Variants in SP1 observed in about 807,000 individuals in gnomAD.
The protein encoded by SP1 is Sp1 transcription factor.
In SP1, 6 loss-of-function variants were observed where a neutral mutation model predicts 66.3. The ratio of observed to expected loss-of-function variants is 0.09; its 90% CI spans 0.05 to 0.18. The LOEUF (loss-of-function observed/expected upper bound fraction) is 0.18, where lower values mean the gene tolerates loss of function less well. Ranked by LOEUF, SP1 falls within the 10% of genes least tolerant of loss-of-function variation. SP1 has a pLI of 1.00. For missense variants in SP1, 848 were observed against 964.5 expected, an observed-to-expected ratio of 0.88 and a Z score of 1.60; for synonymous variants, 417 against 360.8, an observed-to-expected ratio of 1.16 and a Z score of -1.77.
At chr12:53,407,094 G>T (rs1477164095) in intron 4 of SP1, among the ~76,000 whole-genome samples, 1 of 151,722 alleles carries the variant, frequency 6.6e-6, no homozygotes, top group Non-Finnish European at 1.5e-5. Flanking sequence ...AAAGTGCTGG[G>T]ATTACCAGCG....
rs373114098 is a variant in SP1, at chr12:53,411,268, T to C, written c.*28T>C. On this transcript the variant is annotated 3_prime_UTR_variant, in exon 6 of 6. Transcript: ENST00000327443. ...TCAGGCACCCGGGGCCAGAGACATA[T>C]GGGCCATACCCCTTAACCCCGGGAT... is the stretch of plus-strand genomic sequence containing the variant. 1 of 1,581,734 alleles carries C rather than the reference T, an allele frequency of 6.3e-7. No individual in the cohort carries two copies. Among genetic ancestry groups the C allele is most frequent in the South Asian group, 1.1e-5 (1 of 87,248 alleles).
In SP1 at chr12:53,416,015, TC is replaced by T. The variant is rs1938989124; in HGVS notation, c.*4777del. 1 of 152,702 alleles carries T rather than the reference TC, an allele frequency of 6.5e-6. No homozygotes were observed. The highest frequency in any genetic ancestry group is 1.5e-5 in the Non-Finnish European group (1 of 68,118). The allele number at this position is 152,702 out of a possible 1,614,324, so 9.5% of individuals were successfully genotyped here. A position where few individuals can be genotyped will look rare whatever the true frequency, so the allele number is the denominator to read the frequency against. On this transcript the variant is annotated 3_prime_UTR_variant, in exon 6 of 6. Transcript: ENST00000327443. Reference sequence around the variant, plus strand: ...CTGCTTCCCCTTCCTAAGTCTGTCATCCTCTGGAAGGGATGGGTGGTGCTCC... The same window carrying T: ...CTGCTTCCCCTTCCTAAGTCTGTCATCTCTGGAAGGGATGGGTGGTGCTCC...
chr12:53,381,579 A>T (rs976142081), intron 1 of SP1, 80 bp from the exon 2 acceptor site: 26 of 1,330,534 alleles, frequency 2.0e-5, no homozygotes, highest in Non-Finnish European at 2.7e-5. Context: ...TTGCTATTTC[A>T]TCATAGCCTC....
Position 53,409,358 on chromosome 12 carries a change from T to G in SP1, c.1845-4T>G, listed in dbSNP as rs201327742. ...ATGATTAACAGTTGTGTCCTCACTT[T>G]CAGGGGCTCGGGGGATCCTGGCAAA... is the stretch of plus-strand genomic sequence containing the variant. On this transcript the variant is annotated splice_polypyrimidine_tract_variant and splice_region_variant and intron_variant, in intron 4 of 5. Coordinates refer to ENST00000327443, the MANE Select transcript of SP1 (RefSeq NM_138473.3). 2 of 1,612,836 alleles carry G rather than the reference T, an allele frequency of 1.2e-6. No individual in the cohort carries two copies. The highest frequency in any genetic ancestry group is 1.7e-6 in the Non-Finnish European group (2 of 1,179,450).
At chr12:53,407,320 AAAAAAAAAAAAT>A (rs1938764378) in intron 4 of SP1, among the ~76,000 whole-genome samples, 1 of 92,906 alleles carries the variant, frequency 1.1e-5, no homozygotes, top group South Asian at 3.9e-4. Context: ...GAGAAAATGA[AAAAAAAAAAAAT>A]TTTTTTTTTT....
Position 53,400,230 on chromosome 12 carries a change from C to T in SP1, c.1676-6355C>T, listed in dbSNP as rs142103086. Among the ~76,000 whole-genome samples the T allele has an allele frequency of 6.8e-3, 1,039 of 152,304 alleles. 10 individuals are homozygous for T. The highest frequency in any genetic ancestry group is 0.024 in the African/African-American group (992 of 41,556). ...GTACTTTTCACCTCTGTAGAATTGA[C>T]TATTCTAGATATTTCACATAAATAG... On this transcript the variant is annotated intron_variant, in intron 3 of 5. Transcript: ENST00000327443.
Position 53,385,653 on chromosome 12 carries a change from G to A in SP1, c.1675+2031G>A, listed in dbSNP as rs186151021. ...TTATGGGCTGGGCGCGGTGGCTCACGCCTATAATCCCAGCACTTTGGGAGG... is the reference window on the plus strand; with the variant it reads ...TTATGGGCTGGGCGCGGTGGCTCACACCTATAATCCCAGCACTTTGGGAGG... On this transcript the variant is annotated intron_variant, in intron 3 of 5. Transcript: ENST00000327443. Among the ~76,000 whole-genome samples the A allele has an allele frequency of 6.7e-5, 10 of 150,104 alleles. No individual in the cohort carries two copies. The East Asian group carries it at 1.4e-3, about 21-fold the overall frequency.
intron 3 of SP1, among the ~76,000 whole-genome samples, chr12:53,399,847 T>G (rs1287355451): frequency 6.8e-6 from 1 of 147,530 alleles, no homozygotes; most frequent in Non-Finnish European, 1.5e-5. Context: ...GTCAGGGTGG[T>G]CTTGAACTCT....
chr12:53,394,215 C>T (rs1157068310), intron 3 of SP1, among the ~76,000 whole-genome samples: 4 of 143,338 alleles, frequency 2.8e-5, no homozygotes, highest in African/African-American at 1.0e-4. Flanking sequence ...AACTCCGTCT[C>T]GAGAAAAAAA....
At chr12:53,384,604 GT>G (rs1044909593) in intron 3 of SP1, among the ~76,000 whole-genome samples, 1 of 151,978 alleles carries the variant, frequency 6.6e-6, no homozygotes, top group South Asian at 2.1e-4. Flanking sequence ...TGTTTTGTAT[GT>G]TTTTTTTCCA....
intron 3 of SP1, among the ~76,000 whole-genome samples, chr12:53,387,333 C>G (rs1445388863): frequency 2.0e-5 from 3 of 152,186 alleles, no homozygotes; most frequent in African/African-American, 7.2e-5. Flanking sequence ...TTAACTGATT[C>G]TTACATAAGT....
At chr12:53,380,630 G>C in intron 1 of SP1, 1 of 1,002,684 alleles carries the variant, frequency 1.0e-6, no homozygotes, top group Non-Finnish European at 1.2e-6. Flanking sequence ...CCGCGGGGGC[G>C]GCCCGAGCAG....
At chr12:53,390,088 T>G (rs181664872) in intron 3 of SP1, among the ~76,000 whole-genome samples, 72 of 152,340 alleles carry the variant, frequency 4.7e-4, no homozygotes, top group Non-Finnish European at 8.1e-4. Context: ...TTTAGAGCAG[T>G]ACATTTGGAC....
chr12:53,401,992 A>G (rs2136911577), intron 3 of SP1, among the ~76,000 whole-genome samples: 1 of 152,296 alleles, frequency 6.6e-6, no homozygotes, highest in East Asian at 1.9e-4. Flanking sequence ...TATGAAGTTG[A>G]TAATTGGTCG....
At chr12:53,408,770 G>A (rs1938811808) in intron 4 of SP1, among the ~76,000 whole-genome samples, 3 of 152,014 alleles carry the variant, frequency 2.0e-5, no homozygotes, top group African/African-American at 7.2e-5. Flanking sequence ...GCCGGGTGTG[G>A]TGGCGGGCAC....
chr12:53,400,378 T>C (rs923061736), intron 3 of SP1, among the ~76,000 whole-genome samples: 14 of 151,804 alleles, frequency 9.2e-5, no homozygotes, highest in Admixed American at 6.5e-4. Flanking sequence ...TATTTCATTG[T>C]GTATATATAC....
intron 3 of SP1, among the ~76,000 whole-genome samples, chr12:53,394,969 A>G (rs1179694039): frequency 6.6e-6 from 1 of 151,948 alleles, no homozygotes; most frequent in African/African-American, 2.4e-5. Flanking sequence ...GGGTTCAAGC[A>G]ATCCTCCGAC....
At chr12:53,392,671 A>G (rs1195013878) in intron 3 of SP1, among the ~76,000 whole-genome samples, 2 of 142,058 alleles carry the variant, frequency 1.4e-5, no homozygotes, top group Non-Finnish European at 3.0e-5. Context: ...TTTTTTGTAT[A>G]TTTAGTAGAG....
intron 3 of SP1, among the ~76,000 whole-genome samples, chr12:53,391,574 C>T (rs1445547784): frequency 1.3e-5 from 2 of 151,970 alleles, no homozygotes; most frequent in Non-Finnish European, 2.9e-5. Context: ...CCACCCGCCT[C>T]GGCCTCCCAA....
Sources: gnomAD v4.1 joint callset for allele counts (sites outside exome capture counted in the v4.1 genomes callset) on GRCh38, gnomAD v4.1.1 for gene constraint, MANE v1.5 for transcripts, NCBI Gene and HGNC (gene_info 2026-07-23, HGNC 2026-07-21) for gene names.